Variants in NPHP1 observed in about 807,000 individuals in gnomAD.
The protein encoded by NPHP1 is nephrocystin-1.
NPHP1 carries 70 observed loss-of-function variants against 90.4 expected under a neutral mutation model. The observed-to-expected ratio is 0.77, with a 90% CI of 0.64 to 0.95. NPHP1 has a LOEUF of 0.95. NPHP1 is among the 40% of genes least tolerant of loss of function. The probability of loss-of-function intolerance (pLI) is 0.00; values close to 1 mark genes in which losing one functional copy is unlikely to be tolerated. For missense variants in NPHP1, 764 were observed against 795.9 expected (o/e 0.96, Z 0.48); for synonymous variants, 256 against 271.7 (o/e 0.94, Z 0.57).
chr2:110,146,229 T>C (rs1364725173), intron 14 of NPHP1, among the ~76,000 whole-genome samples: 1 of 152,194 alleles, frequency 6.6e-6, no homozygotes, highest in Non-Finnish European at 1.5e-5. Context: ...CTTTTTCTTA[T>C]TAATTTTTGA....
intron 11 of NPHP1, among the ~76,000 whole-genome samples, chr2:110,157,186 A>G (rs567653037): frequency 6.6e-6 from 1 of 152,076 alleles, no homozygotes; most frequent in Non-Finnish European, 1.5e-5. Flanking sequence ...CAATTTGGAA[A>G]TCTCACATAA....
intron 4 of NPHP1, among the ~76,000 whole-genome samples, chr2:110,173,909 T>C (rs4284881): frequency 0.45 from 68,702 of 151,932 alleles, 16,701 homozygotes; most frequent in African/African-American, 0.62. Context: ...TTATTAAATG[T>C]ATACTCATTT....
chr2:110,174,712 A>G (rs1192127946), intron 4 of NPHP1, among the ~76,000 whole-genome samples: 2 of 151,800 alleles, frequency 1.3e-5, no homozygotes, highest in Non-Finnish European at 2.9e-5. Flanking sequence ...CACATTCCCA[A>G]CTGAAGCTGA....
At chr2:110,156,648 G>A (rs1681912765) in intron 11 of NPHP1, among the ~76,000 whole-genome samples, 1 of 152,124 alleles carries the variant, frequency 6.6e-6, no homozygotes, top group African/African-American at 2.4e-5. Context: ...TTTGCCCAGA[G>A]TTTACAATTA....
intron 19 of NPHP1, chr2:110,125,310 A>C (rs544948954): frequency 6.5e-7 from 1 of 1,534,598 alleles, no homozygotes; most frequent in East Asian, 2.4e-5. Context: ...TCTTGGTGAT[A>C]CAGGCTTTGA....
intron 2 of NPHP1, among the ~76,000 whole-genome samples, chr2:110,183,205 G>C (rs757936889): frequency 6.6e-5 from 10 of 152,144 alleles, no homozygotes; most frequent in Non-Finnish European, 4.4e-5. Flanking sequence ...CTGCAGCACT[G>C]TGACATGTTC....
Position 110,126,653 on chromosome 2 carries a change from A to C in NPHP1, c.1717-972T>G, listed in dbSNP as rs1338418166. The C allele has an allele frequency of 4.6e-5, 7 of 152,774 alleles. No homozygotes were observed. In the East Asian group the frequency reaches 1.4e-3, roughly 30 times the overall value. 9.5% of individuals were successfully genotyped at this position (152,774 alleles called of 1,614,324 possible). On this transcript the variant is annotated intron_variant, in intron 18 of 19. Transcript: ENST00000445609. ...AAACAGGCCAAGTGCCATTCTTCTTATTATTAAAATGTCATCCACAAACTG... is the reference window on the plus strand; with the variant it reads ...AAACAGGCCAAGTGCCATTCTTCTTCTTATTAAAATGTCATCCACAAACTG...
At chr2:110,178,581 A>G (rs1376814986) in intron 3 of NPHP1, 34 bp from the exon 4 acceptor site, 9 of 1,578,064 alleles carry the variant, frequency 5.7e-6, no homozygotes, top group Non-Finnish European at 7.7e-6. Flanking sequence ...TCACTAAAAA[A>G]TTAATTTCAG....
chr2:110,174,632 T>C (rs1156704830), intron 4 of NPHP1, among the ~76,000 whole-genome samples: 1 of 152,168 alleles, frequency 6.6e-6, no homozygotes, highest in Non-Finnish European at 1.5e-5. Context: ...TCCTAATTAA[T>C]ACTCACAGTG....
intron 16 of NPHP1, among the ~76,000 whole-genome samples, chr2:110,136,402 A>G (rs961080212): frequency 6.6e-5 from 10 of 152,064 alleles, no homozygotes; most frequent in African/African-American, 2.4e-4. Context: ...TGCAGATGAC[A>G]TGATTGTATA....
intron 4 of NPHP1, among the ~76,000 whole-genome samples, chr2:110,174,189 CTTTG>C (rs1683352863): frequency 2.0e-5 from 3 of 152,058 alleles, no homozygotes; most frequent in Admixed American, 6.6e-5. Context: ...ATCTGACAAT[CTTTG>C]TTGTAATTGG....
rs773486730 is a variant in NPHP1 at position 110,131,680 on chromosome 2, A to G, written c.1641T>C (p.Thr547=). 6.3e-7 allele frequency: 1 copy of G among 1,595,020 alleles called. No homozygotes were observed. Among genetic ancestry groups the G allele is most frequent in the Admixed American group, 1.7e-5 (1 of 59,978 alleles). ...LLKDRMSLQS[T]DLISHPMLAT... ...AAGGAAGTGGCAAAGCCCACTTACC[A>G]GTACTTTGCAAGCTCATCCTGTCTT... Residue 547 remains threonine, a splice_region_variant and synonymous_variant, in exon 17 of 20, where the codon ACT becomes ACC. Transcript: ENST00000445609.
chr2:110,199,622 A>C (rs1022070828), intron 2 of NPHP1, among the ~76,000 whole-genome samples: 73 of 151,956 alleles, frequency 4.8e-4, no homozygotes, highest in African/African-American at 1.8e-3. Flanking sequence ...GACCCCCCAC[A>C]TCCCCCCAAA....
chr2:110,164,567 C>T (rs535021176), intron 8 of NPHP1, 121 bp downstream of exon 8: 2 of 1,599,742 alleles, frequency 1.3e-6, no homozygotes, highest in East Asian at 2.2e-5. Flanking sequence ...CTGCTCTGTA[C>T]ATTCCATGCC....
intron 2 of NPHP1, among the ~76,000 whole-genome samples, chr2:110,180,448 CTTTTTTTTTT>C (rs3086121): frequency 2.5e-5 from 2 of 80,898 alleles, no homozygotes; most frequent in Non-Finnish European, 4.8e-5. Context: ...CCGTTTGAGT[CTTTTTTTTTT>C]TTTTTTTTTT....
chr2:110,197,502 A>T (rs901674506), intron 2 of NPHP1, among the ~76,000 whole-genome samples: 4 of 152,008 alleles, frequency 2.6e-5, no homozygotes, highest in Non-Finnish European at 5.9e-5. Flanking sequence ...CAGGGTGAGC[A>T]GGGGGCCCAC....
chr2:110,180,237 A>T (rs1434024857), intron 2 of NPHP1, among the ~76,000 whole-genome samples: 2 of 152,088 alleles, frequency 1.3e-5, no homozygotes, highest in African/African-American at 4.8e-5. Flanking sequence ...TTCCCACCAC[A>T]GCACACTCCT....
chr2:110,143,023 A>T (rs903783935), intron 16 of NPHP1, among the ~76,000 whole-genome samples: 1 of 152,158 alleles, frequency 6.6e-6, no homozygotes, highest in Non-Finnish European at 1.5e-5. Context: ...ATTTTGGACA[A>T]AGCAAAACTG....
At position 110,188,765 on chromosome 2, in the gene NPHP1, C is replaced by T. The variant is rs191324084; in HGVS notation, c.144-9081G>A. On this transcript the variant is annotated intron_variant, in intron 2 of 19. Transcript: ENST00000445609. The stretch of plus-strand genomic sequence containing the variant: ...AAACTATATTACAAGGCTACAGTAA[C>T]TAAAACAGCATGGTACTGGTAAAAG... Among the ~76,000 whole-genome samples the T allele has an allele frequency of 9.7e-4, 147 of 151,790 alleles. 3 individuals carry two copies. The highest frequency in any genetic ancestry group is 1.3e-3 in the Non-Finnish European group (91 of 67,894).
Sources: gnomAD v4.1 joint callset for allele counts (sites outside exome capture counted in the v4.1 genomes callset) on GRCh38, gnomAD v4.1.1 for gene constraint, MANE v1.5 for transcripts, NCBI Gene and HGNC (gene_info 2026-07-23, HGNC 2026-07-21) for gene names.